Variants in CS observed in about 807,000 individuals in gnomAD.
The protein encoded by CS is citrate synthase, mitochondrial.
CS carries 13 observed loss-of-function variants against 61.4 expected under a neutral mutation model. The ratio of observed to expected loss-of-function variants is 0.21; its 90% CI spans 0.14 to 0.34. CS has a LOEUF of 0.34. CS is among the 10% of genes least tolerant of loss of function. The pLI is 1.00. For missense variants in CS, 278 were observed against 573.4 expected (o/e 0.48, Z 5.26); for synonymous variants, 159 against 215.2 (o/e 0.74, Z 2.29).
intron 1 of CS, among the ~76,000 whole-genome samples, chr12:56,288,720 C>T (rs1045010945): frequency 6.6e-6 from 1 of 151,768 alleles, no homozygotes; most frequent in Non-Finnish European, 1.5e-5. Context: ...ATGTTAATAG[C>T]TCACTGTAGC....
At chr12:56,292,859 G>C (rs558029965) in intron 1 of CS, among the ~76,000 whole-genome samples, 1 of 151,730 alleles carries the variant, frequency 6.6e-6, no homozygotes, top group Non-Finnish European at 1.5e-5. Flanking sequence ...AGCCGAGTTC[G>C]CACCACTGCA....
chr12:56,275,714 A>T (rs1426721271), intron 7 of CS: 1 of 472,658 alleles, frequency 2.1e-6, no homozygotes, highest in Non-Finnish European at 3.8e-6. Flanking sequence ...GGCCCCAAAG[A>T]GCGAGCTCCT....
At chr12:56,288,830 A>T (rs149940736) in intron 1 of CS, among the ~76,000 whole-genome samples, 61 of 65,972 alleles carry the variant, frequency 9.2e-4, no homozygotes, top group East Asian at 7.3e-3. Flanking sequence ...AAAAAAAAAA[A>T]TTTTTTTTTG....
At chr12:56,294,339 T>C (rs1873226819) in intron 1 of CS, among the ~76,000 whole-genome samples, 1 of 151,418 alleles carries the variant, frequency 6.6e-6, no homozygotes, top group African/African-American at 2.4e-5. Context: ...TCGGGCACGG[T>C]GGCGCACACC....
At chr12:56,281,136 T>C (rs1361876479) in intron 6 of CS, among the ~76,000 whole-genome samples, 1 of 152,230 alleles carries the variant, frequency 6.6e-6, no homozygotes, top group Non-Finnish European at 1.5e-5. Flanking sequence ...CCAAAAATCA[T>C]TTAATGTACC....
intron 1 of CS, 44 bp from the exon 2 acceptor site, chr12:56,286,689 C>A: frequency 6.5e-7 from 1 of 1,528,550 alleles, no homozygotes. Flanking sequence ...TTACCCCTCC[C>A]TCTTTTATAT....
At chr12:56,284,593 T>C (rs573491779) in intron 3 of CS, among the ~76,000 whole-genome samples, 2 of 151,002 alleles carry the variant, frequency 1.3e-5, no homozygotes, top group South Asian at 4.2e-4. Flanking sequence ...GTATTTCTTT[T>C]TTTTTTTTTT....
intron 1 of CS, chr12:56,291,879 G>C (rs765402031): frequency 1.3e-5 from 2 of 152,226 alleles, no homozygotes; most frequent in Non-Finnish European, 2.9e-5. Context: ...CTATAGGGTG[G>C]AGGTGGCGTT....
chr12:56,272,944 T>G lies in CS; in HGVS notation c.*140A>C, dbSNP rs1872549873. 3 of 629,934 alleles carry G rather than the reference T, an allele frequency of 4.8e-6. No homozygotes were observed. Among genetic ancestry groups the G allele is most frequent in the Non-Finnish European group, 8.4e-6 (3 of 359,208 alleles). 39.0% of individuals were successfully genotyped at this position (629,934 alleles called of 1,614,324 possible). A position where few individuals can be genotyped will look rare whatever the true frequency, so the allele number is the denominator to read the frequency against. On this transcript the variant is annotated 3_prime_UTR_variant, in exon 11 of 11. Coordinates refer to ENST00000351328, the MANE Select transcript of CS (RefSeq NM_004077.3). ...ATTTTTCATCTTTTAAAGTCTTAAT[T>G]TATATTTTAACCTCAAACATATTAT...
chr12:56,276,306 A>G (rs1872622850), intron 6 of CS, 111 bp from the exon 7 acceptor site: 11 of 896,250 alleles, frequency 1.2e-5, no homozygotes, highest in Non-Finnish European at 1.9e-5. Flanking sequence ...GTTGATGGTT[A>G]GTTATATGAT....
intron 1 of CS, chr12:56,291,263 G>A (rs1284094158): frequency 9.0e-7 from 1 of 1,110,716 alleles, no homozygotes; most frequent in Non-Finnish European, 1.1e-6. Context: ...CCAGGAAAGA[G>A]GCAGTCAAGC....
At chr12:56,286,567 A>C in intron 2 of CS, 28 bp downstream of exon 2, 4 of 1,611,854 alleles carry the variant, frequency 2.5e-6, no homozygotes, top group Non-Finnish European at 3.4e-6. Context: ...AATGATTCTT[A>C]TTCTTAGTCT....
In CS at chr12:56,272,212, G is replaced by C. The variant is rs1872535612; in HGVS notation, c.*872C>G. 1.3e-5 allele frequency: 3 copies of C among 227,912 alleles called. No homozygotes were observed. In the Admixed American group the frequency reaches 1.6e-4, roughly 12 times the overall value. 14.1% of individuals were successfully genotyped at this position (227,912 alleles called of 1,614,324 possible). A position where few individuals can be genotyped will look rare whatever the true frequency, so the allele number is the denominator to read the frequency against. ...TTCTATGCCCCACAGCATATTAAAA[G>C]ATGGGGGTTGGTGGGGGGTGGGGAG... On this transcript the variant is annotated 3_prime_UTR_variant, in exon 11 of 11. Transcript: ENST00000351328.
In CS at chr12:56,295,524, GA is replaced by G. The variant is rs938624327; in HGVS notation, c.42+4635del. Among the ~76,000 whole-genome samples the G allele has an allele frequency of 5.3e-4, 75 of 142,238 alleles. 3 individuals are homozygous for G. In the East Asian group the frequency reaches 6.6e-3, roughly 12 times the overall value. The allele number at this position is 142,238 out of a possible 152,430, so 93.3% of individuals were successfully genotyped here. A position where few individuals can be genotyped will look rare whatever the true frequency, so the allele number is the denominator to read the frequency against. Reference sequence around the variant, plus strand: ...TGACAGAGCGAGACTCCATCTCAAGGAAAAAAAAAAAATTCTTGAACACCTA... The same window carrying G: ...TGACAGAGCGAGACTCCATCTCAAGGAAAAAAAAAAATTCTTGAACACCTA... On this transcript the variant is annotated intron_variant, in intron 1 of 10. Coordinates refer to ENST00000351328, the MANE Select transcript of CS (RefSeq NM_004077.3).
Position 56,300,187 on chromosome 12 carries a change from A to C in CS, c.15T>G (p.Thr5=). The C allele has an allele frequency of 1.3e-6, 2 of 1,573,300 alleles. No homozygotes were observed. The highest frequency in any genetic ancestry group is 1.7e-6 in the Non-Finnish European group (2 of 1,160,796). MALL[T]AAARLLGTKN... ...TGGTTCCCAAGAGCCGGGCGGCCGC[A>C]GTAAGTAAAGCCATGGCGGGCGATC... The change falls in exon 1 of 11, where the codon ACT becomes ACG. Residue 5 remains threonine (T), a synonymous_variant. Coordinates refer to ENST00000351328, the MANE Select transcript of CS (RefSeq NM_004077.3).
intron 9 of CS, 200 bp from the exon 10 acceptor site, chr12:56,273,996 G>GTT: frequency 1.9e-6 from 1 of 529,200 alleles, no homozygotes; most frequent in Non-Finnish European, 3.3e-6. Flanking sequence ...AACACATCTG[G>GTT]CTTTTTTTTT....
At chr12:56,289,918 C>T (rs911387986) in intron 1 of CS, among the ~76,000 whole-genome samples, 6 of 151,862 alleles carry the variant, frequency 4.0e-5, no homozygotes, top group Admixed American at 1.3e-4. Flanking sequence ...GTTTTGAGAC[C>T]GAGTCTTGCT....
chr12:56,280,101 A>T (rs1872730427), intron 6 of CS, among the ~76,000 whole-genome samples: 2 of 151,860 alleles, frequency 1.3e-5, no homozygotes, highest in Admixed American at 6.6e-5. Flanking sequence ...AGACCAGCCT[A>T]GCCAACATGG....
Position 56,287,409 on chromosome 12 carries a change from G to C in CS, c.43-764C>G, listed in dbSNP as rs369502967. Among the ~76,000 whole-genome samples, 5 of 144,980 alleles carry C rather than the reference G, an allele frequency of 3.4e-5. No individual in the cohort carries two copies. The East Asian group carries it at 6.2e-4, about 18-fold the overall frequency. On this transcript the variant is annotated intron_variant, in intron 1 of 10. Coordinates refer to ENST00000351328, the MANE Select transcript of CS (RefSeq NM_004077.3). ...AGGTGGGAGAATGGCTTAAACCTTG[G>C]AGGCAGAGGTTGCAGTGAGCCAAGA...
Sources: gnomAD v4.1 joint callset for allele counts (sites outside exome capture counted in the v4.1 genomes callset) on GRCh38, gnomAD v4.1.1 for gene constraint, MANE v1.5 for transcripts, NCBI Gene and HGNC (gene_info 2026-07-23, HGNC 2026-07-21) for gene names.